POLR2F: variants seen among roughly 807,000 people sequenced by gnomAD.
The protein encoded by POLR2F is DNA-directed RNA polymerases I, II, and III subunit RPABC2.
In POLR2F, 12 loss-of-function variants were observed where a neutral mutation model predicts 22.7. That is an observed-to-expected ratio of 0.53 (90% CI 0.34 to 0.86). The LOEUF (loss-of-function observed/expected upper bound fraction) is 0.86. POLR2F is among the 40% of genes least tolerant of loss of function. The probability of loss-of-function intolerance (pLI) is 0.02; values close to 1 mark genes in which losing one functional copy is unlikely to be tolerated. For missense variants in POLR2F, 126 were observed against 171.5 expected, an observed-to-expected ratio of 0.73 and a Z score of 1.48; for synonymous variants, 57 against 66.0, an observed-to-expected ratio of 0.86 and a Z score of 0.66.
chr22:37,982,769 A>C (rs1311864447), upstream of POLR2F, among the ~76,000 whole-genome samples: 5 of 152,038 alleles, frequency 3.3e-5, 1 homozygote. Context: ...GAAGCCCCCA[A>C]CTCAAAGGAG....
intron 1 of POLR2F, among the ~76,000 whole-genome samples, chr22:37,994,503 C>T (rs983244124): frequency 2.6e-5 from 4 of 151,774 alleles, no homozygotes; most frequent in African/African-American, 4.8e-5. Flanking sequence ...CCAGCCACCA[C>T]GCCTGGCTAT....
In POLR2F at chr22:37,986,298, C is replaced by A; in HGVS notation, c.108C>A (p.Gly36=). The change falls in exon 1 of 3, where the codon GGC becomes GGA. Residue 36 remains glycine (G), a synonymous_variant. Transcript: ENST00000333418. This position sits in a 1 kb window ranked among gnomAD's most constrained non-coding sequence, Gnocchi z 4.7. Reference sequence around the variant, plus strand: ...GCCCGCCCGCTGCCTGCCTGCCTGGCATCTCTCTCTCCCGGTGGGTCCCCA... The same window carrying A: ...GCCCGCCCGCTGCCTGCCTGCCTGGAATCTCTCTCTCCCGGTGGGTCCCCA... 6.5e-7 allele frequency: 1 copy of A among 1,537,820 alleles called. No homozygotes were observed. Among genetic ancestry groups the A allele is most frequent in the South Asian group, 1.2e-5 (1 of 83,896 alleles).
intron 5 of POLR2F, among the ~76,000 whole-genome samples, chr22:38,036,808 C>T (rs1044626917): frequency 1.3e-5 from 2 of 152,032 alleles, no homozygotes; most frequent in African/African-American, 2.4e-5. Context: ...GTGTCTGACT[C>T]CTTTTCCCAC....
intron 1 of POLR2F, among the ~76,000 whole-genome samples, chr22:38,002,642 G>GCTTCC (rs2084782712): frequency 6.6e-6 from 1 of 152,242 alleles, no homozygotes; most frequent in South Asian, 2.1e-4. Flanking sequence ...ACGGAGAAGG[G>GCTTCC]CTTCCCGGTG....
At chr22:37,999,401 G>A (rs959186912) in intron 1 of POLR2F, among the ~76,000 whole-genome samples, 4 of 152,148 alleles carry the variant, frequency 2.6e-5, no homozygotes, top group Non-Finnish European at 5.9e-5. Flanking sequence ...AGGCCCCTGT[G>A]GCAGCCTCAG....
In POLR2F at chr22:37,968,100, G is replaced by T. The variant is rs1470316308; in HGVS notation, c.*385G>T. ...ATTTCCTTTCCAGTGGGGACTGGCT[G>T]CAGGGGCTTCTCCCTTCTCAGGAGT... On this transcript the variant is annotated 3_prime_UTR_variant, in exon 5 of 5. Transcript: ENST00000442738. The T allele has an allele frequency of 1.0e-6, 1 of 997,990 alleles. No homozygotes were observed. Among genetic ancestry groups the T allele is most frequent in the Non-Finnish European group, 1.2e-6 (1 of 837,542 alleles). 61.8% of individuals were successfully genotyped at this position (997,990 alleles called of 1,614,324 possible).
At chr22:38,015,452 G>T (rs532393621) in intron 1 of POLR2F, among the ~76,000 whole-genome samples, 2 of 152,306 alleles carry the variant, frequency 1.3e-5, no homozygotes, top group South Asian at 2.1e-4. Flanking sequence ...TGATCTGGGG[G>T]AAGGAAGACA....
intron 3 of POLR2F, among the ~76,000 whole-genome samples, chr22:37,964,059 G>A (rs1450791318): frequency 2.0e-5 from 3 of 151,538 alleles, no homozygotes; most frequent in East Asian, 1.9e-4. Flanking sequence ...CCAAGATCGT[G>A]CCACTAATCC....
intron 5 of POLR2F, among the ~76,000 whole-genome samples, chr22:38,039,140 G>T (rs945322488): frequency 6.6e-6 from 1 of 152,204 alleles, no homozygotes; most frequent in Non-Finnish European, 1.5e-5. Context: ...GCTTGAGGGG[G>T]CCGCCGCTGG....
chr22:38,010,133 G>T (rs2084858176), intron 1 of POLR2F, among the ~76,000 whole-genome samples: 1 of 152,180 alleles, frequency 6.6e-6, no homozygotes, highest in Non-Finnish European at 1.5e-5. Context: ...CCAGCACTTT[G>T]AGAGGCTGAG....
chr22:37,955,874 G>A (rs1467377262), intron 1 of POLR2F, among the ~76,000 whole-genome samples: 9 of 151,536 alleles, frequency 5.9e-5, no homozygotes, highest in African/African-American at 1.2e-4. Flanking sequence ...TAGCAGAGAC[G>A]AGATTTCTCC....
chr22:37,960,429 G>A (rs899485056), intron 3 of POLR2F, among the ~76,000 whole-genome samples: 1 of 151,904 alleles, frequency 6.6e-6, no homozygotes, highest in South Asian at 2.1e-4. Flanking sequence ...ATGGAGTCTC[G>A]CTCTATCACC....
chr22:38,025,222 C>T (rs1249008976), intron 1 of POLR2F, among the ~76,000 whole-genome samples: 2 of 152,126 alleles, frequency 1.3e-5, no homozygotes, highest in Non-Finnish European at 2.9e-5. Flanking sequence ...TTCACGGTGA[C>T]ACATGTGCAC....
chr22:37,953,837 G>A, intron 1 of POLR2F, 30 bp downstream of exon 1: 2 of 1,604,552 alleles, frequency 1.2e-6, no homozygotes, highest in Non-Finnish European at 8.5e-7. Flanking sequence ...GGCCTTTGCG[G>A]CAACCTTGGA....
At chr22:37,974,032 G>A, downstream of POLR2F, 1 of 1,614,012 alleles carries the variant, frequency 6.2e-7, no homozygotes, top group Non-Finnish European at 8.5e-7. This position sits in a 1 kb window ranked among gnomAD's most constrained non-coding sequence, Gnocchi z 5.4. Flanking sequence ...AGGTCTCCAT[G>A]TTGGACATTA....
chr22:38,028,463 T>G (rs374310702), downstream of POLR2F, among the ~76,000 whole-genome samples: 3 of 152,238 alleles, frequency 2.0e-5, no homozygotes, highest in African/African-American at 7.2e-5. Flanking sequence ...CATGACCCTC[T>G]GTGCCTGCGC....
chr22:37,982,629 G>C (rs530949503), upstream of POLR2F, among the ~76,000 whole-genome samples: 7 of 152,188 alleles, frequency 4.6e-5, no homozygotes, highest in Admixed American at 1.3e-4. Context: ...GTTGCTCAAC[G>C]TTGGGGTGGG....
rs1159728570 is a variant in POLR2F at position 37,980,153 on chromosome 22, G to A, written c.293+12983G>A. Among the ~76,000 whole-genome samples, 2 of 152,136 alleles carry A rather than the reference G, an allele frequency of 1.3e-5. No homozygotes were observed. The highest frequency in any genetic ancestry group is 2.9e-5 in the Non-Finnish European group (2 of 68,018). ...GTACACACTTAGGACAAAGATGCCG[G>A]AGCAGGGCCTTGAGAGTCAGGGAGT... On this transcript the variant is annotated intron_variant, in intron 4 of 4. Coordinates refer to the POLR2F transcript ENST00000405557. The surrounding 1 kb of genome is among the most constrained non-coding windows in gnomAD (Gnocchi z 4.1).
rs1210778058 is a variant in POLR2F, at chr22:37,997,498, C to T, written c.120+11186C>T. ...TCTCTGTCCCTCCCTCCATGAATTTCTCTGTCTCTGTCCTGTGCCACCTCT... is the reference window on the plus strand; with the variant it reads ...TCTCTGTCCCTCCCTCCATGAATTTTTCTGTCTCTGTCCTGTGCCACCTCT... On this transcript the variant is annotated intron_variant, in intron 1 of 2. Transcript: ENST00000333418. The surrounding 1 kb of genome is among the most constrained non-coding windows in gnomAD (Gnocchi z 4.4). 6.6e-6 allele frequency among the ~76,000 whole-genome samples: 1 copy of T among 152,130 alleles called. No individual in the cohort carries two copies. Among genetic ancestry groups the T allele is most frequent in the Non-Finnish European group, 1.5e-5 (1 of 68,024 alleles).
Sources: allele counts gnomAD v4.1 joint callset (sites outside exome capture counted in the v4.1 genomes callset), GRCh38; gene constraint gnomAD v4.1.1; non-coding constraint Gnocchi (gnomAD v3.1); transcripts MANE v1.5; gene names NCBI Gene and HGNC (gene_info 2026-07-23, HGNC 2026-07-21).